The following MYLK variants were observed in gnomAD, a reference collection of about 807,000 sequenced individuals.
The protein encoded by MYLK is myosin light chain kinase, smooth muscle.
MYLK carries 106 observed loss-of-function variants against 203.4 expected under a neutral mutation model. That is an observed-to-expected ratio of 0.52 (90% CI 0.45 to 0.61). The LOEUF (loss-of-function observed/expected upper bound fraction) is 0.61. MYLK is among the 20% of genes least tolerant of loss of function. The pLI is 0.00. For synonymous variants in MYLK, 867 were observed against 959.5 expected (o/e 0.90, Z 1.78); for missense variants, 2,072 against 2,442.3 (o/e 0.85, Z 3.20).
At chr3:123,878,591 T>A (rs886565848) in intron 1 of MYLK, among the ~76,000 whole-genome samples, 1 of 152,216 alleles carries the variant, frequency 6.6e-6, no homozygotes, top group Non-Finnish European at 1.5e-5. Flanking sequence ...TGTGTATCCA[T>A]TCTTCCTGCC....
chr3:123,766,265 T>A (rs1400174292), intron 4 of MYLK, among the ~76,000 whole-genome samples: 1 of 152,246 alleles, frequency 6.6e-6, no homozygotes. Flanking sequence ...CATTGTGCTA[T>A]GAATAAGACC....
At position 123,700,793 on chromosome 3, in the gene MYLK, AC is replaced by A; in HGVS notation, c.2674del (p.Val892TrpfsTer14). The part of the protein sequence containing the change: ...HTEEAIRQQE[V>X]EQLDFRDLLG... ...GAGGTCTCGGAAGTCCAGCTGCTCCACCTCCTGCTGGCGGATCGCCTCCTCA... is the reference window on the plus strand; with the variant it reads ...GAGGTCTCGGAAGTCCAGCTGCTCCACTCCTGCTGGCGGATCGCCTCCTCA... On this transcript the variant is annotated frameshift_variant, in exon 18 of 34. Coordinates refer to ENST00000360304, the MANE Select transcript of MYLK (RefSeq NM_053025.4). LOFTEE classifies it high-confidence loss of function. 6.2e-7 allele frequency: 1 copy of A among 1,613,670 alleles called. No individual in the cohort carries two copies. The highest frequency in any genetic ancestry group is 8.5e-7 in the Non-Finnish European group (1 of 1,179,936).
At chr3:123,727,354 A>G (rs769321992) in intron 11 of MYLK, among the ~76,000 whole-genome samples, 1 of 152,166 alleles carries the variant, frequency 6.6e-6, no homozygotes, top group Non-Finnish European at 1.5e-5. Context: ...CATTAGAGAA[A>G]TGCCTTTGGG....
chr3:123,810,294 A>G (rs1241549441), intron 3 of MYLK, among the ~76,000 whole-genome samples: 1 of 151,942 alleles, frequency 6.6e-6, no homozygotes, highest in Non-Finnish European at 1.5e-5. Flanking sequence ...TCTCCCTGTG[A>G]CTTCCCTCTC....
rs146960026 is a variant in MYLK at position 123,737,415 on chromosome 3, C to T, written c.717G>A (p.Ser239=). The T allele has an allele frequency of 5.5e-5, 88 of 1,614,004 alleles. No individual in the cohort carries two copies. Among genetic ancestry groups the T allele is most frequent in the Non-Finnish European group, 6.6e-5 (78 of 1,180,032 alleles). The part of the protein sequence containing the change: ...GVYTCLVVNG[S]GKASMSAELS... ...GTTCAGCTGACATCGAGGCCTTCCC[C>T]GACCCGTTCACCACCAGGCACGTGT... is the stretch of plus-strand genomic sequence containing the variant. Residue 239 remains serine (S), a synonymous_variant, in exon 8 of 34, where the codon TCG becomes TCA. Transcript: ENST00000360304.
chr3:123,762,281 G>A (rs1560185641), intron 4 of MYLK, among the ~76,000 whole-genome samples: 1 of 151,218 alleles, frequency 6.6e-6, no homozygotes, highest in Non-Finnish European at 1.5e-5. Context: ...CTAGGCTGAA[G>A]TGCAGTGGCA....
chr3:123,648,994 G>A lies in MYLK; in HGVS notation c.4392C>T (p.Tyr1464=), dbSNP rs565217509. Residue 1464 remains tyrosine, a synonymous_variant, in exon 26 of 34, where the codon TAC becomes TAT. Transcript: ENST00000360304. The surrounding 1 kb of genome is among the most constrained non-coding windows in gnomAD (Gnocchi z 4.5). ...INTEQKVSDF[Y]DIEERLGSGK... ...ACGATCCTAATCTCTCCTCAATGTC[G>A]TAGAAGTCAGATACTTTTTGTTCAG... The A allele has an allele frequency of 2.6e-5, 42 of 1,614,106 alleles. No homozygotes were observed. Among genetic ancestry groups the A allele is most frequent in the Middle Eastern group, 1.6e-4 (1 of 6,062 alleles).
At chr3:123,703,387 G>A (rs1177837538) in intron 16 of MYLK, among the ~76,000 whole-genome samples, 6 of 152,100 alleles carry the variant, frequency 3.9e-5, no homozygotes. Flanking sequence ...GCTGGTGCAG[G>A]TGCCTTCCTG....
At chr3:123,659,622 T>C in intron 23 of MYLK, 1 of 509,660 alleles carries the variant, frequency 2.0e-6, no homozygotes. Context: ...CTGCACCTAA[T>C]GCTTTCTGTT....
intron 2 of MYLK, among the ~76,000 whole-genome samples, chr3:123,874,261 C>T (rs948652224): frequency 3.3e-5 from 5 of 152,076 alleles, no homozygotes; most frequent in African/African-American, 1.2e-4. Context: ...AATAAAGCTA[C>T]AATAATCAAT....
intron 23 of MYLK, 92 bp downstream of exon 23, chr3:123,664,013 G>C: frequency 6.5e-7 from 1 of 1,547,146 alleles, no homozygotes; most frequent in Non-Finnish European, 8.9e-7. Context: ...AGAGATAATG[G>C]GTGATGAAGT....
chr3:123,877,585 A>G (rs927285302), intron 1 of MYLK, among the ~76,000 whole-genome samples: 4 of 152,232 alleles, frequency 2.6e-5, no homozygotes, highest in African/African-American at 9.6e-5. Context: ...ACTATTGGGT[A>G]ACATCAGTAG....
intron 20 of MYLK, among the ~76,000 whole-genome samples, chr3:123,679,411 A>G (rs996608536): frequency 6.6e-6 from 1 of 151,862 alleles, no homozygotes; most frequent in Non-Finnish European, 1.5e-5. Context: ...ATCCCAGGGT[A>G]TCTCTCAGGC....
At chr3:123,731,607 A>C (rs1277176944) in intron 11 of MYLK, among the ~76,000 whole-genome samples, 1 of 152,212 alleles carries the variant, frequency 6.6e-6, no homozygotes, top group East Asian at 1.9e-4. Context: ...AAGTAGACAA[A>C]GCAGTGTAGT....
intron 29 of MYLK, among the ~76,000 whole-genome samples, chr3:123,633,506 G>A (rs1256348280): frequency 2.6e-5 from 4 of 152,110 alleles, no homozygotes; most frequent in Non-Finnish European, 5.9e-5. Flanking sequence ...TATCTCCCTG[G>A]TCTTATCTAG....
At chr3:123,727,385 G>C (rs2062328131) in intron 11 of MYLK, among the ~76,000 whole-genome samples, 2 of 152,170 alleles carry the variant, frequency 1.3e-5, no homozygotes, top group African/African-American at 2.4e-5. Flanking sequence ...AAAGGATATA[G>C]GCTTTCATGC....
At chr3:123,656,515 TG>T (rs1488067896) in intron 24 of MYLK, among the ~76,000 whole-genome samples, 3 of 152,342 alleles carry the variant, frequency 2.0e-5, no homozygotes, top group South Asian at 2.1e-4. Context: ...TGTTTCCTCT[TG>T]TAGAGTGCCT....
At chr3:123,635,085 T>C (rs138830616) in intron 29 of MYLK, among the ~76,000 whole-genome samples, 61 of 152,324 alleles carry the variant, frequency 4.0e-4, no homozygotes, top group African/African-American at 1.3e-3. Flanking sequence ...GTCTGTTGCC[T>C]TCCCTTCCAA....
At chr3:123,831,802 C>T (rs1223895010) in intron 2 of MYLK, 132 bp from the exon 3 acceptor site, 4 of 164,672 alleles carry the variant, frequency 2.4e-5, no homozygotes, top group East Asian at 3.5e-4. Context: ...CCAACAGTGA[C>T]GATGGGTGGC....
Sources: allele counts gnomAD v4.1 joint callset (sites outside exome capture counted in the v4.1 genomes callset), GRCh38; gene constraint gnomAD v4.1.1; non-coding constraint Gnocchi (gnomAD v3.1); transcripts MANE v1.5; gene names NCBI Gene and HGNC (gene_info 2026-07-23, HGNC 2026-07-21).